Variants in AMY2B observed in about 807,000 individuals in gnomAD.
AMY2B encodes alpha-amylase 2B.
A neutral mutation model predicts 59.3 loss-of-function variants in AMY2B; 63 were observed. The observed-to-expected ratio is 1.06, with a 90% CI of 0.87 to 1.31. AMY2B has a LOEUF of 1.31. Ranked by LOEUF, AMY2B falls within the 50% of genes most tolerant of loss-of-function variation. The probability of loss-of-function intolerance (pLI) is 0.00; values close to 1 mark genes in which losing one functional copy is unlikely to be tolerated. For missense variants in AMY2B, 635 were observed against 626.7 expected, an observed-to-expected ratio of 1.01 and a Z score of -0.14; for synonymous variants, 180 against 198.1, an observed-to-expected ratio of 0.91 and a Z score of 0.77.
intron 7 of AMY2B, chr1:103,575,776 G>T: frequency 2.4e-4 from 76 of 318,372 alleles, no homozygotes; most frequent in Middle Eastern, 2.0e-3. Context: ...TAGCCCACAG[G>T]AAAAAAAAAA....
In AMY2B at chr1:103,579,522, C is replaced by G. The variant is rs1431374483; in HGVS notation, c.*22C>G. ...ATAAAATTTAAAATTAAATGCATAT[C>G]CTCAAAACAATAGCCAAGTGTGTTT... On this transcript the variant is annotated 3_prime_UTR_variant, in exon 10 of 10. Coordinates refer to ENST00000684275, the MANE Select transcript of AMY2B (RefSeq NM_001387437.1). 1.2e-6 allele frequency: 2 copies of G among 1,604,398 alleles called. No individual in the cohort carries two copies. Among genetic ancestry groups the G allele is most frequent in the Non-Finnish European group, 1.7e-6 (2 of 1,177,118 alleles).
At chr1:103,556,041 T>C (rs1419357446) in intron 1 of AMY2B, among the ~76,000 whole-genome samples, 8 of 152,030 alleles carry the variant, frequency 5.3e-5, no homozygotes. Context: ...GTTCAGTAAA[T>C]AGGAGCATGT....
At chr1:103,571,004 C>A, upstream of AMY2B, 1 of 389,906 alleles carries the variant, frequency 2.6e-6, no homozygotes, top group Non-Finnish European at 4.5e-6. Flanking sequence ...GGCCAGCAGT[C>A]TCTGATCTGT....
In AMY2B at chr1:103,558,546, T is replaced by C. The variant is rs548047786; in HGVS notation, c.-207+3437T>C. Among the ~76,000 whole-genome samples, 28 of 152,222 alleles carry C rather than the reference T, an allele frequency of 1.8e-4. No homozygotes were observed. The South Asian group carries it at 5.6e-3, about 30-fold the overall frequency. Reference sequence around the variant, plus strand: ...ATCAGTAATATTTCAAAAAAAAGTATTAAAAGATATTTCAGTATAAAAAAT... The same window carrying C: ...ATCAGTAATATTTCAAAAAAAAGTACTAAAAGATATTTCAGTATAAAAAAT... On this transcript the variant is annotated intron_variant, in intron 1 of 11. Coordinates refer to the AMY2B transcript ENST00000361355.
Position 103,573,759 on chromosome 1 carries a change from T to C in AMY2B, c.565T>C (p.Tyr189His), listed in dbSNP as rs201095914. The change falls in exon 4 of 10, where the codon TAT becomes CAT. Residue 189 changes from tyrosine (Y) to histidine (H), a missense_variant. Coordinates refer to ENST00000684275, the MANE Select transcript of AMY2B (RefSeq NM_001387437.1). ...GLLDLALEKD[Y>H]VRSKIAEYMN... ...TCTTGATCTTGCACTGGAGAAAGAT[T>C]ATGTGCGTTCCAAGATTGCCGAATA... 3.1e-4 allele frequency: 496 copies of C among 1,613,828 alleles called. 4 individuals are homozygous for C. In the South Asian group the frequency reaches 5.2e-3, roughly 17 times the overall value.
At chr1:103,578,018 C>T (rs1652432189) in intron 9 of AMY2B, among the ~76,000 whole-genome samples, 173 bp downstream of exon 9, 1 of 152,180 alleles carries the variant, frequency 6.6e-6, no homozygotes, top group African/African-American at 2.4e-5. Flanking sequence ...GTTACTCCTT[C>T]ATTCTCCTGT....
chr1:103,560,409 G>A (rs1651697192), intron 1 of AMY2B, among the ~76,000 whole-genome samples: 1 of 151,936 alleles, frequency 6.6e-6, no homozygotes, highest in African/African-American at 2.4e-5. Flanking sequence ...TCTTTCCTTT[G>A]GTTAGAATTT....
chr1:103,573,429 A>G (rs1411914353), intron 3 of AMY2B, among the ~76,000 whole-genome samples, 169 bp downstream of exon 3: 1 of 152,190 alleles, frequency 6.6e-6, no homozygotes, highest in Non-Finnish European at 1.5e-5. Context: ...AAACTTAAAT[A>G]TAGATTTAAG....
chr1:103,572,397 G>T (rs745453039), intron 2 of AMY2B, 141 bp downstream of exon 2: 26 of 1,418,270 alleles, frequency 1.8e-5, no homozygotes, highest in Non-Finnish European at 1.2e-5. Context: ...AAAATTAACC[G>T]TTGCCTTATG....
At chr1:103,573,314 G>A in intron 3 of AMY2B, 54 bp downstream of exon 3, 2 of 1,610,630 alleles carry the variant, frequency 1.2e-6, no homozygotes, top group Non-Finnish European at 1.7e-6. Flanking sequence ...GCCTTTTCTT[G>A]TAGACATGTA....
In AMY2B at chr1:103,573,215, T is replaced by C; in HGVS notation, c.468T>C (p.Cys156=). The C allele has an allele frequency of 6.2e-7, 1 of 1,613,744 alleles. No homozygotes were observed. Among genetic ancestry groups the C allele is most frequent in the Non-Finnish European group, 8.5e-7 (1 of 1,179,684 alleles). ...GATGGGATTTTAATGATGGTAAATG[T>C]AAAACTGGAAGTGGAGATATCGAGA... The part of the protein sequence containing the change: ...YSGWDFNDGK[C]KTGSGDIENY... Residue 156 remains cysteine, a synonymous_variant, in exon 3 of 10, where the codon TGT becomes TGC. Transcript: ENST00000684275.
chr1:103,578,648 G>A (rs576130402), intron 9 of AMY2B, among the ~76,000 whole-genome samples: 2 of 151,978 alleles, frequency 1.3e-5, no homozygotes, highest in African/African-American at 2.4e-5. Flanking sequence ...CCCATGTCTA[G>A]TTCTTTAATT....
upstream of AMY2B, chr1:103,570,490 A>G (rs1189828181): frequency 9.1e-6 from 6 of 660,980 alleles, no homozygotes; most frequent in Non-Finnish European, 1.7e-5. Context: ...AGGATGCAGA[A>G]GGAGATCACC....
chr1:103,575,189 A>G (rs755889733), intron 5 of AMY2B, 34 bp from the exon 6 acceptor site: 11 of 1,612,402 alleles, frequency 6.8e-6, no homozygotes, highest in South Asian at 2.2e-5. Context: ...TTGTGAAATG[A>G]TACATCAACA....
At chr1:103,571,099 G>T, upstream of AMY2B, 2 of 947,374 alleles carry the variant, frequency 2.1e-6, no homozygotes, top group Non-Finnish European at 2.6e-6. Context: ...TTTCTGTCCT[G>T]TCGGTCTGTC....
chr1:103,579,247 T>A, intron 9 of AMY2B, 64 bp from the exon 10 acceptor site: 1 of 1,610,972 alleles, frequency 6.2e-7, no homozygotes, highest in South Asian at 1.1e-5. Flanking sequence ...TGCTGTTTAG[T>A]TGTGTTAGCC....
At chr1:103,571,845 A>C in intron 1 of AMY2B, 75 bp downstream of exon 1, 4 of 1,611,036 alleles carry the variant, frequency 2.5e-6, no homozygotes, top group Non-Finnish European at 3.4e-6. Context: ...TTATCCGTGA[A>C]GCTTAGGCAA....
chr1:103,555,842 A>G (rs989067958), intron 1 of AMY2B, among the ~76,000 whole-genome samples: 5 of 152,186 alleles, frequency 3.3e-5, no homozygotes, highest in Admixed American at 1.3e-4. Context: ...GATTGATGAT[A>G]TAGCAGGTTT....
chr1:103,566,448 A>G (rs1264072596), intron 2 of AMY2B, among the ~76,000 whole-genome samples: 2 of 152,210 alleles, frequency 1.3e-5, no homozygotes, highest in South Asian at 2.1e-4. Flanking sequence ...TATTAATGGT[A>G]AATTCTGTTT....
Sources: gnomAD v4.1 joint callset for allele counts (sites outside exome capture counted in the v4.1 genomes callset) on GRCh38, gnomAD v4.1.1 for gene constraint, MANE v1.5 for transcripts, NCBI Gene and HGNC (gene_info 2026-07-23, HGNC 2026-07-21) for gene names.